The following RFC1 variants were observed in gnomAD, a reference collection of about 807,000 sequenced individuals.
RFC1 encodes A1 140 kDa subunit.
A neutral mutation model predicts 137.4 loss-of-function variants in RFC1; 37 were observed. The observed-to-expected ratio is 0.27, with a 90% CI of 0.21 to 0.35. The LOEUF is 0.35. Among genes scored for constraint, RFC1 ranks in the 10% least tolerant of loss-of-function variants. The probability of loss-of-function intolerance (pLI) is 1.00; values close to 1 mark genes in which losing one functional copy is unlikely to be tolerated. For missense variants in RFC1, 1,205 were observed against 1,358.5 expected (o/e 0.89, Z 1.78); for synonymous variants, 429 against 455.7 (o/e 0.94, Z 0.75).
At chr4:39,323,020 G>A (rs1214668580) in intron 7 of RFC1, among the ~76,000 whole-genome samples, 1 of 152,120 alleles carries the variant, frequency 6.6e-6, no homozygotes, top group Admixed American at 6.5e-5. Flanking sequence ...AGGAGGCAAA[G>A]GTTGCACTGA....
chr4:39,360,348 A>C (rs1186741918), intron 1 of RFC1, among the ~76,000 whole-genome samples: 2 of 151,814 alleles, frequency 1.3e-5, no homozygotes, highest in African/African-American at 4.8e-5. Flanking sequence ...TAAAAATACA[A>C]AAAAATTAGC....
chr4:39,366,076 T>A (rs1420094710), intron 1 of RFC1, among the ~76,000 whole-genome samples, 163 bp downstream of exon 1: 1 of 152,134 alleles, frequency 6.6e-6, no homozygotes, highest in African/African-American at 2.4e-5. Flanking sequence ...AATGAAAGTT[T>A]TGCGTCCAGT....
chr4:39,297,419 T>C (rs967917300), intron 21 of RFC1, among the ~76,000 whole-genome samples: 26 of 130,004 alleles, frequency 2.0e-4, no homozygotes, highest in African/African-American at 7.6e-4. Flanking sequence ...CCATCTTGAA[T>C]TGATTTTTGT....
chr4:39,342,586 G>A (rs1047755476), intron 3 of RFC1, 119 bp from the exon 4 acceptor site: 1 of 944,514 alleles, frequency 1.1e-6, no homozygotes, highest in Non-Finnish European at 1.6e-6. Flanking sequence ...CATGTCTTCT[G>A]TGAATTCTCA....
chr4:39,361,917 T>A (rs1741778258), intron 1 of RFC1, among the ~76,000 whole-genome samples: 1 of 151,990 alleles, frequency 6.6e-6, no homozygotes, highest in Admixed American at 6.5e-5. Flanking sequence ...CGGGCGCCTG[T>A]AGTCCCAGCT....
rs34471101 is a variant in RFC1 at position 39,364,080 on chromosome 4, T to TA, written c.3+2158dup. 8.7e-4 allele frequency among the ~76,000 whole-genome samples: 107 copies of TA among 122,900 alleles called. 1 individual carries two copies. The highest frequency in any genetic ancestry group is 3.7e-3 in the South Asian group (14 of 3,826). 80.6% of individuals were successfully genotyped at this position (122,900 alleles called of 152,430 possible). ...GGGCAACAGAGCAAGACCTTGCCTT[T>TA]AAAAAAAAAAAAAAAAAAAAAAGAA... On this transcript the variant is annotated intron_variant, in intron 1 of 24. Coordinates refer to ENST00000349703, the MANE Select transcript of RFC1 (RefSeq NM_002913.5).
intron 4 of RFC1, among the ~76,000 whole-genome samples, chr4:39,329,151 A>AAAAAAAAAAAAAAT (rs1739949294): frequency 7.2e-6 from 1 of 137,960 alleles, no homozygotes; most frequent in East Asian, 2.0e-4. Context: ...AAAAAAAAAA[A>AAAAAAAAAAAAAAT]AAGCTTTTCG....
At position 39,366,285 on chromosome 4, in the gene RFC1, G is replaced by A; in HGVS notation, c.-44C>T. 2 of 1,516,126 alleles carry A rather than the reference G, an allele frequency of 1.3e-6. No individual in the cohort carries two copies. The allele number at this position is 1,516,126 out of a possible 1,614,324, so 93.9% of individuals were successfully genotyped here. ...GCGCTGGCTGGCTGGCGGGTGGGCC[G>A]GTTGAGGAATCTGTTATCGAGGCTC... On this transcript the variant is annotated 5_prime_UTR_variant, in exon 1 of 25. Coordinates refer to ENST00000349703, the MANE Select transcript of RFC1 (RefSeq NM_002913.5).
At chr4:39,353,103 T>C (rs1379421965) in intron 1 of RFC1, among the ~76,000 whole-genome samples, 2 of 152,104 alleles carry the variant, frequency 1.3e-5, no homozygotes, top group Admixed American at 1.3e-4. Flanking sequence ...CATAGCATGT[T>C]AAATAATTTT....
chr4:39,340,877 G>T (rs968593181), intron 4 of RFC1, among the ~76,000 whole-genome samples: 10 of 152,086 alleles, frequency 6.6e-5, no homozygotes, highest in Admixed American at 3.3e-4. Flanking sequence ...CATACCCCAA[G>T]ATTTTTAGCT....
chr4:39,356,308 A>G (rs1741477487), intron 1 of RFC1, among the ~76,000 whole-genome samples: 1 of 152,108 alleles, frequency 6.6e-6, no homozygotes, highest in Non-Finnish European at 1.5e-5. Context: ...CTGAGGCAGG[A>G]GAACGGCTTG....
intron 8 of RFC1, 40 bp from the exon 9 acceptor site, chr4:39,320,709 A>G (rs1199536995): frequency 6.6e-7 from 1 of 1,519,542 alleles, no homozygotes; most frequent in Non-Finnish European, 8.8e-7. Flanking sequence ...GTTTTTGGAA[A>G]ATGATAATCT....
intron 1 of RFC1, among the ~76,000 whole-genome samples, chr4:39,358,867 A>AC (rs1173983870): frequency 6.6e-6 from 1 of 151,996 alleles, no homozygotes; most frequent in African/African-American, 2.4e-5. Flanking sequence ...CACCTACTTA[A>AC]CCCCAGTACC....
chr4:39,289,001 C>T (rs1221535757), intron 24 of RFC1, among the ~76,000 whole-genome samples, 157 bp from the exon 25 acceptor site: 4 of 151,694 alleles, frequency 2.6e-5, no homozygotes, highest in Non-Finnish European at 4.4e-5. Flanking sequence ...ACCCATGAAG[C>T]GCTTACAGCA....
chr4:39,294,122 G>A (rs895021363), intron 22 of RFC1, among the ~76,000 whole-genome samples: 10 of 152,156 alleles, frequency 6.6e-5, no homozygotes, highest in Admixed American at 3.3e-4. Context: ...ATAAATTTGT[G>A]TTGTTTTAAG....
chr4:39,329,400 G>C (rs2109693652), intron 4 of RFC1, among the ~76,000 whole-genome samples: 1 of 151,892 alleles, frequency 6.6e-6, no homozygotes, highest in South Asian at 2.1e-4. Flanking sequence ...GACCAGCCTG[G>C]TCAACATGGT....
At chr4:39,307,103 T>C (rs1428594115) in intron 13 of RFC1, among the ~76,000 whole-genome samples, 2 of 152,110 alleles carry the variant, frequency 1.3e-5, no homozygotes, top group African/African-American at 4.8e-5. Context: ...CCTCCTTTGT[T>C]AGATGAGGAG....
intron 1 of RFC1, among the ~76,000 whole-genome samples, chr4:39,365,675 C>T (rs915692261): frequency 6.6e-6 from 1 of 152,152 alleles, no homozygotes; most frequent in Non-Finnish European, 1.5e-5. Flanking sequence ...CTCCTATGAA[C>T]TCATCTAAAC....
chr4:39,337,408 A>G (rs1740407197), intron 4 of RFC1, among the ~76,000 whole-genome samples: 1 of 149,220 alleles, frequency 6.7e-6, no homozygotes, highest in African/African-American at 2.5e-5. Flanking sequence ...AGCTGTAGAA[A>G]TTTTACAATA....
Sources: gnomAD v4.1 joint callset for allele counts (sites outside exome capture counted in the v4.1 genomes callset) on GRCh38, gnomAD v4.1.1 for gene constraint, MANE v1.5 for transcripts, NCBI Gene and HGNC (gene_info 2026-07-23, HGNC 2026-07-21) for gene names.